The following FRMPD1 variants were observed in gnomAD, a reference collection of about 807,000 sequenced individuals.
The protein encoded by FRMPD1 is FERM and PDZ domain containing 1.
A neutral mutation model predicts 117.8 loss-of-function variants in FRMPD1; 76 were observed. The observed-to-expected ratio is 0.65, with a 90% CI of 0.54 to 0.78. FRMPD1 has a LOEUF of 0.78. Among genes scored for constraint, FRMPD1 ranks in the 30% least tolerant of loss-of-function variants. FRMPD1 has a pLI of 0.00. For synonymous variants in FRMPD1, 783 were observed against 770.4 expected, an observed-to-expected ratio of 1.02 and a Z score of -0.27; for missense variants, 1,786 against 1,964.5, an observed-to-expected ratio of 0.91 and a Z score of 1.72.
chr9:37,684,972 C>T (rs560598421), intron 1 of FRMPD1, among the ~76,000 whole-genome samples: 2 of 152,180 alleles, frequency 1.3e-5, no homozygotes, highest in African/African-American at 4.8e-5. Flanking sequence ...CCAGGCTGGT[C>T]TCAACTCCTG....
At chr9:37,647,460 C>G (rs139741764), upstream of FRMPD1, among the ~76,000 whole-genome samples, 2 of 147,572 alleles carry the variant, frequency 1.4e-5, no homozygotes, top group Admixed American at 7.0e-5. Flanking sequence ...TGCAGTGAGC[C>G]GAGATCGCGC....
chr9:37,661,194 G>A (rs1425168482), intron 1 of FRMPD1, among the ~76,000 whole-genome samples: 2 of 152,068 alleles, frequency 1.3e-5, no homozygotes, highest in Admixed American at 6.5e-5. Flanking sequence ...TTGCTAATTC[G>A]GTCCAGCTGG....
the FRMPD1 span, among the ~76,000 whole-genome samples, chr9:37,611,283 C>T: frequency 8.5e-5 from 13 of 152,180 alleles, no homozygotes; most frequent in Non-Finnish European, 1.5e-4. Context: ...AGTTCACAGA[C>T]CCTGAAATTG....
upstream of FRMPD1, among the ~76,000 whole-genome samples, chr9:37,649,856 C>T (rs191790881): frequency 2.0e-5 from 3 of 152,316 alleles, no homozygotes. Flanking sequence ...CTGCCACTCC[C>T]TCTGTGGGAT....
At chr9:37,634,469 AT>A in the FRMPD1 span, among the ~76,000 whole-genome samples, 1 of 152,112 alleles carries the variant, frequency 6.6e-6, no homozygotes. Flanking sequence ...CAACATTTGG[AT>A]TTCTGCTTAA....
At chr9:37,675,565 A>G (rs1465493545) in intron 1 of FRMPD1, among the ~76,000 whole-genome samples, 1 of 152,018 alleles carries the variant, frequency 6.6e-6, no homozygotes, top group Non-Finnish European at 1.5e-5. Context: ...GGGTACAAAG[A>G]CTCTCAGGTG....
At chr9:37,722,637 T>G (rs1247565578) in intron 6 of FRMPD1, among the ~76,000 whole-genome samples, 1 of 152,154 alleles carries the variant, frequency 6.6e-6, no homozygotes, top group Non-Finnish European at 1.5e-5. Context: ...AAACTCTTTA[T>G]AGAGATGAGT....
At chr9:37,610,079 C>A in the FRMPD1 span, among the ~76,000 whole-genome samples, 1 of 152,228 alleles carries the variant, frequency 6.6e-6, no homozygotes, top group Non-Finnish European at 1.5e-5. Flanking sequence ...GCACTTGCCA[C>A]CATTGAACAT....
chr9:37,630,213 T>C, the FRMPD1 span, among the ~76,000 whole-genome samples: 1 of 152,210 alleles, frequency 6.6e-6, no homozygotes, highest in Non-Finnish European at 1.5e-5. Context: ...CATACCTTAT[T>C]GACTCTCTAA....
intron 13 of FRMPD1, among the ~76,000 whole-genome samples, chr9:37,736,762 A>T (rs980114906): frequency 6.6e-6 from 1 of 151,664 alleles, no homozygotes; most frequent in Non-Finnish European, 1.5e-5. Flanking sequence ...GGCAGTTTGG[A>T]TATGGCGCTG....
chr9:37,637,976 CT>C, the FRMPD1 span, among the ~76,000 whole-genome samples: 1 of 98,654 alleles, frequency 1.0e-5, no homozygotes, highest in Non-Finnish European at 2.1e-5. Context: ...TTCTTTCTTT[CT>C]TTCTTTCTTT....
chr9:37,608,253 A>T, the FRMPD1 span, among the ~76,000 whole-genome samples: 10 of 152,222 alleles, frequency 6.6e-5, no homozygotes, highest in African/African-American at 2.2e-4. Context: ...CATACTGATT[A>T]TTTAAGAAAC....
intron 1 of FRMPD1, among the ~76,000 whole-genome samples, chr9:37,658,242 C>T (rs187908352): frequency 7.9e-4 from 121 of 152,228 alleles, no homozygotes; most frequent in Non-Finnish European, 1.6e-3. Context: ...TCTATATTTG[C>T]GTTAGCACAG....
At chr9:37,693,005 G>A (rs1822199213) in intron 2 of FRMPD1, 1 of 535,066 alleles carries the variant, frequency 1.9e-6, no homozygotes, top group African/African-American at 1.9e-5. Flanking sequence ...CTGACACACA[G>A]ACATACACAC....
Position 37,713,600 on chromosome 9 carries a change from T to TAG in FRMPD1, c.408+2221_408+2222dup, listed in dbSNP as rs1180267224. Among the ~76,000 whole-genome samples the TAG allele has an allele frequency of 7.1e-3, 1,060 of 149,792 alleles. 11 individuals are homozygous for TAG. The highest frequency in any genetic ancestry group is 0.024 in the African/African-American group (990 of 40,852). On this transcript the variant is annotated intron_variant, in intron 5 of 15. Transcript: ENST00000377765. ...GTGAGACCGTATATATATATATATG[T>TAG]AGAGAGAGAGAGAGAGACCATATAT... is the stretch of plus-strand genomic sequence containing the variant.
At chr9:37,651,366 A>G (rs762346462) in intron 1 of FRMPD1, among the ~76,000 whole-genome samples, 13 of 152,150 alleles carry the variant, frequency 8.5e-5, no homozygotes, top group Non-Finnish European at 1.3e-4. Context: ...AACAGCGGCA[A>G]CGCGGGAGGG....
upstream of FRMPD1, among the ~76,000 whole-genome samples, chr9:37,647,865 A>G (rs1824171187): frequency 6.6e-6 from 1 of 152,234 alleles, no homozygotes; most frequent in Non-Finnish European, 1.5e-5. Context: ...AGGTTAGAAA[A>G]ACAAGGAAGC....
intron 6 of FRMPD1, 128 bp downstream of exon 6, chr9:37,719,304 T>A: frequency 1.5e-6 from 1 of 656,462 alleles, no homozygotes. Context: ...TGCAAGAGGC[T>A]TTGTGCGCCC....
intron 5 of FRMPD1, chr9:37,715,569 G>C (rs1355273854): frequency 1.8e-5 from 8 of 451,716 alleles, no homozygotes; most frequent in Non-Finnish European, 3.1e-5. Flanking sequence ...GCTGAGGTCT[G>C]CTGCTTTGTG....
Sources: allele counts gnomAD v4.1 joint callset (sites outside exome capture counted in the v4.1 genomes callset), GRCh38; gene constraint gnomAD v4.1.1; transcripts MANE v1.5; gene names NCBI Gene and HGNC (gene_info 2026-07-23, HGNC 2026-07-21).